The following DPYD variants were observed in gnomAD, a reference collection of about 807,000 sequenced individuals.
DPYD encodes the protein dihydropyrimidine dehydrogenase, also known as dihydropyrimidine dehydrogenase [NADP(+)].
Under a neutral mutation model 116.2 loss-of-function variants are expected in DPYD, and 109 were observed. The ratio of observed to expected loss-of-function variants is 0.94; its 90% confidence interval spans 0.80 to 1.10. The LOEUF is 1.10. Ranked by LOEUF, DPYD falls within the 50% of genes least tolerant of loss-of-function variation. DPYD has a pLI of 0.00. For missense variants in DPYD, 1,302 were observed against 1,254.5 expected, an observed-to-expected ratio of 1.04 and a Z score of -0.57; for synonymous variants, 440 against 432.0, an observed-to-expected ratio of 1.02 and a Z score of -0.23.
At chr1:97,877,955 A>G (rs1160973463) in intron 2 of DPYD, among the ~76,000 whole-genome samples, 1 of 152,018 alleles carries the variant, frequency 6.6e-6, no homozygotes, top group Non-Finnish European at 1.5e-5. Flanking sequence ...GCCAGCAGAC[A>G]AGACAAACAT....
intron 6 of DPYD, among the ~76,000 whole-genome samples, chr1:97,693,126 T>C (rs1661104939): frequency 6.6e-6 from 1 of 151,036 alleles, no homozygotes; most frequent in South Asian, 2.1e-4. Flanking sequence ...CCGTCTCTAC[T>C]AAAAATACAA....
At chr1:97,210,199 T>C (rs951079280) in intron 19 of DPYD, among the ~76,000 whole-genome samples, 3 of 152,174 alleles carry the variant, frequency 2.0e-5, no homozygotes, top group South Asian at 2.1e-4. Context: ...AGGCAAGTTA[T>C]AGAATTGGAT....
At chr1:97,636,648 C>A (rs1657578344) in intron 8 of DPYD, among the ~76,000 whole-genome samples, 1 of 152,048 alleles carries the variant, frequency 6.6e-6, no homozygotes, top group Non-Finnish European at 1.5e-5. Flanking sequence ...TATTTAAAAT[C>A]ATCATTAATA....
intron 12 of DPYD, chr1:97,546,741 C>T (rs547195375): frequency 7.4e-6 from 12 of 1,613,090 alleles, no homozygotes; most frequent in African/African-American, 6.7e-5. Flanking sequence ...CTGCACCAGG[C>T]AAGCCTGGAA....
At chr1:97,818,118 C>T (rs1443360183) in intron 3 of DPYD, among the ~76,000 whole-genome samples, 1 of 151,916 alleles carries the variant, frequency 6.6e-6, no homozygotes, top group Non-Finnish European at 1.5e-5. Flanking sequence ...GTTGCTGTTG[C>T]CAATGCTGTT....
At chr1:97,432,656 A>C (rs148996611) in intron 14 of DPYD, among the ~76,000 whole-genome samples, 16 of 151,934 alleles carry the variant, frequency 1.1e-4, no homozygotes, top group African/African-American at 3.9e-4. Context: ...ATGTCTTATA[A>C]TTTTTTATTG....
chr1:97,116,493 T>G (rs559553004), intron 20 of DPYD, among the ~76,000 whole-genome samples: 105 of 151,784 alleles, frequency 6.9e-4, no homozygotes, highest in African/African-American at 2.3e-3. Context: ...GGCAACATGG[T>G]GAAACCTGTC....
At chr1:97,399,689 T>C (rs1673245412) in intron 14 of DPYD, among the ~76,000 whole-genome samples, 1 of 152,092 alleles carries the variant, frequency 6.6e-6, no homozygotes, top group South Asian at 2.1e-4. Flanking sequence ...GATTCCTAGG[T>C]ATTTTATTCT....
intron 19 of DPYD, among the ~76,000 whole-genome samples, chr1:97,212,294 T>C (rs374948186): frequency 6.6e-6 from 1 of 152,162 alleles, no homozygotes; most frequent in East Asian, 1.9e-4. Context: ...AATCATTTCA[T>C]AAAAATGGAA....
At chr1:97,739,458 A>G (rs992546663) in intron 4 of DPYD, among the ~76,000 whole-genome samples, 1 of 152,144 alleles carries the variant, frequency 6.6e-6, no homozygotes, top group African/African-American at 2.4e-5. Context: ...AAATCTGACC[A>G]TGCAGGAATA....
intron 1 of DPYD, among the ~76,000 whole-genome samples, chr1:97,900,691 T>A (rs560730497): frequency 6.6e-6 from 1 of 151,914 alleles, no homozygotes; most frequent in Admixed American, 6.6e-5. Context: ...ACTGACATAA[T>A]TTTTTTACAA....
intron 8 of DPYD, among the ~76,000 whole-genome samples, chr1:97,628,056 T>C (rs1188831422): frequency 6.6e-6 from 1 of 152,014 alleles, no homozygotes; most frequent in Non-Finnish European, 1.5e-5. Flanking sequence ...TCAGAGACAT[T>C]GAGGCACAGA....
At chr1:97,164,613 A>C (rs1355221273) in intron 20 of DPYD, among the ~76,000 whole-genome samples, 2 of 152,158 alleles carry the variant, frequency 1.3e-5, no homozygotes, top group Non-Finnish European at 2.9e-5. Context: ...AAAAATCACA[A>C]GCATTCCTAC....
chr1:97,382,274 G>T, intron 15 of DPYD, 119 bp downstream of exon 15: 1 of 525,362 alleles, frequency 1.9e-6, no homozygotes, highest in Non-Finnish European at 3.3e-6. Context: ...AATGTTTTAA[G>T]TTACATTTTC....
At chr1:97,280,041 T>A (rs1665209505) in intron 18 of DPYD, 1 of 152,180 alleles carries the variant, frequency 6.6e-6, no homozygotes, top group Non-Finnish European at 1.5e-5. Flanking sequence ...GATACTCACA[T>A]TTGTCAGCCA....
intron 8 of DPYD, among the ~76,000 whole-genome samples, chr1:97,622,101 G>A (rs1160891320): frequency 1.3e-5 from 2 of 152,048 alleles, no homozygotes; most frequent in African/African-American, 2.4e-5. Context: ...AGGAAGTGGA[G>A]CATAATTCCC....
rs528061991 is a variant in DPYD, at chr1:97,233,955, T to C, written c.2442+897A>G. ...TCCACCATAGATTGTAGGTATTTCA[T>C]AGAACAATGTTAATTCTGATTGTCA... On this transcript the variant is annotated intron_variant, in intron 19 of 22. Transcript: ENST00000370192. 4.6e-5 allele frequency among the ~76,000 whole-genome samples: 7 copies of C among 152,356 alleles called. No homozygotes were observed. In the East Asian group the frequency reaches 9.6e-4, roughly 21 times the overall value.
chr1:97,087,895 AAGTAGTG>A (rs569385820), intron 21 of DPYD, among the ~76,000 whole-genome samples: 24 of 152,174 alleles, frequency 1.6e-4, no homozygotes, highest in Non-Finnish European at 1.6e-4. Context: ...CACCTGCTCT[AAGTAGTG>A]AGTATTAATA....
At chr1:97,652,661 G>A (rs191400261) in intron 8 of DPYD, among the ~76,000 whole-genome samples, 5 of 152,256 alleles carry the variant, frequency 3.3e-5, no homozygotes, top group East Asian at 1.9e-4. Context: ...ATTTGAGGGC[G>A]GAAGGGTGAG....
Sources: allele counts gnomAD v4.1 joint callset (sites outside exome capture counted in the v4.1 genomes callset), GRCh38; gene constraint gnomAD v4.1.1; transcripts MANE v1.5; gene names NCBI Gene and HGNC (gene_info 2026-07-23, HGNC 2026-07-21).